SMARCA2: variants seen among roughly 807,000 people sequenced by gnomAD.
The protein encoded by SMARCA2 is SWI/SNF related BAF chromatin remodeling complex subunit ATPase 2.
In SMARCA2, 61 loss-of-function variants were observed where a neutral mutation model predicts 199.8. The ratio of observed to expected loss-of-function variants is 0.31; its 90% CI spans 0.25 to 0.38. The LOEUF (loss-of-function observed/expected upper bound fraction) is 0.38. SMARCA2 is among the 10% of genes least tolerant of loss of function. The pLI, the probability that SMARCA2 is intolerant of heterozygous loss-of-function variation, is 1.00. For missense variants in SMARCA2, 1,344 were observed against 2,012.2 expected (o/e 0.67, Z 6.35); for synonymous variants, 935 against 732.0 (o/e 1.28, Z -4.48).
chr9:2,114,783 G>A (rs1011028864), intron 24 of SMARCA2, among the ~76,000 whole-genome samples: 1 of 152,130 alleles, frequency 6.6e-6, no homozygotes. Context: ...TGTAAGCAAA[G>A]TGAAGAAAGT....
At chr9:2,176,280 C>T (rs958904004) in intron 29 of SMARCA2, among the ~76,000 whole-genome samples, 4 of 150,320 alleles carry the variant, frequency 2.7e-5, no homozygotes, top group Non-Finnish European at 5.9e-5. Context: ...TTGTTCTTTC[C>T]ACAACTGTTA....
Position 2,048,637 on chromosome 9 carries a change from A to C in SMARCA2, c.1046+1153A>C, listed in dbSNP as rs143353006. 6.5e-3 allele frequency among the ~76,000 whole-genome samples: 996 copies of C among 152,326 alleles called. 15 individuals are homozygous for C. The highest frequency in any genetic ancestry group is 0.023 in the African/African-American group (969 of 41,568). On this transcript the variant is annotated intron_variant, in intron 5 of 33. Coordinates refer to ENST00000349721, the MANE Select transcript of SMARCA2 (RefSeq NM_003070.5). ...CAGCCTAGAGAGGTAATCTGAAAGA[A>C]ATCAGAATAACTTGCCATTAGATGT...
chr9:2,062,575 A>G (rs930685072), intron 9 of SMARCA2, among the ~76,000 whole-genome samples: 1 of 152,170 alleles, frequency 6.6e-6, no homozygotes, highest in Non-Finnish European at 1.5e-5. Flanking sequence ...ACTTGTCACA[A>G]TTGTTTTTCA....
rs533670424 is a variant in SMARCA2, at chr9:2,160,430, A to T, written c.3982-1256A>T. 4.8e-5 allele frequency: 25 copies of T among 524,616 alleles called. 1 individual carries two copies. The South Asian group carries it at 7.7e-4, about 16-fold the overall frequency. The allele number at this position is 524,616 out of a possible 1,614,324, so 32.5% of individuals were successfully genotyped here. ...GAAAACATATTTTTTTAAAAATCCC[A>T]CTGGCATTTTTAACATGCCAGGTTG... On this transcript the variant is annotated intron_variant, in intron 27 of 33. Coordinates refer to ENST00000349721, the MANE Select transcript of SMARCA2 (RefSeq NM_003070.5).
At chr9:2,070,185 C>T (rs982769642) in intron 9 of SMARCA2, among the ~76,000 whole-genome samples, 14 of 152,206 alleles carry the variant, frequency 9.2e-5, no homozygotes, top group Non-Finnish European at 1.9e-4. Context: ...CTACAAATCT[C>T]TAGTGTGCTG....
chr9:2,019,816 GT>G (rs908642152), intron 1 of SMARCA2, among the ~76,000 whole-genome samples: 1,974 of 143,454 alleles, frequency 0.014, 38 homozygotes, highest in African/African-American at 0.046. Context: ...GTGTTTTCTT[GT>G]TTTTTTTTTT....
At chr9:2,111,887 C>T (rs1823022094) in intron 24 of SMARCA2, among the ~76,000 whole-genome samples, 1 of 152,162 alleles carries the variant, frequency 6.6e-6, no homozygotes, top group South Asian at 2.1e-4. Flanking sequence ...CACTGGGCCA[C>T]TGCGTGTACT....
At position 2,039,700 on chromosome 9, in the gene SMARCA2, C is replaced by T; in HGVS notation, c.590C>T (p.Pro197Leu). The change falls in exon 4 of 34, where the codon CCC becomes CTC. Residue 197 changes from proline to leucine, a missense_variant. Pro to Leu is a moderately conservative substitution (Grantham distance 98). Coordinates refer to ENST00000349721, the MANE Select transcript of SMARCA2 (RefSeq NM_003070.5). The surrounding 1 kb of genome is among the most constrained non-coding windows in gnomAD (Gnocchi z 4.8). ...LAYKMLARGQ[P>L]LPETLQLAVQ... Reference sequence around the variant, plus strand: ...TATAAAATGCTGGCCCGAGGCCAGCCCCTCCCCGAAACGCTGCAGCTTGCA... The same window carrying T: ...TATAAAATGCTGGCCCGAGGCCAGCTCCTCCCCGAAACGCTGCAGCTTGCA... 6.2e-7 allele frequency: 1 copy of T among 1,613,906 alleles called. No individual in the cohort carries two copies. The highest frequency in any genetic ancestry group is 1.3e-5 in the African/African-American group (1 of 75,024).
In SMARCA2 at chr9:2,170,534, G is replaced by A. The variant is rs972490032; in HGVS notation, c.4253+62G>A. ...CAGGTATCCCTCGTTACGTGAAACA[G>A]ATTGAATCATATAATCGGCCTTTGG... On this transcript the variant is annotated intron_variant, in intron 29 of 33. Transcript: ENST00000349721. The surrounding 1 kb of genome is among the most constrained non-coding windows in gnomAD (Gnocchi z 4.7). 1 of 1,612,366 alleles carries A rather than the reference G, an allele frequency of 6.2e-7. No homozygotes were observed. The highest frequency in any genetic ancestry group is 8.5e-7 in the Non-Finnish European group (1 of 1,179,074).
intron 22 of SMARCA2, among the ~76,000 whole-genome samples, chr9:2,102,127 CAG>C (rs1822543032): frequency 7.1e-6 from 1 of 141,298 alleles, no homozygotes; most frequent in Non-Finnish European, 1.5e-5. Context: ...ACTGCATTAA[CAG>C]AAAGTGTGTG....
intron 9 of SMARCA2, among the ~76,000 whole-genome samples, chr9:2,066,878 G>A (rs1441288112): frequency 6.6e-6 from 1 of 152,212 alleles, no homozygotes; most frequent in East Asian, 1.9e-4. Context: ...TCAAACAGTA[G>A]ACCAATCACA....
chr9:2,068,343 G>A (rs1820934763), intron 9 of SMARCA2, among the ~76,000 whole-genome samples: 1 of 152,026 alleles, frequency 6.6e-6, no homozygotes, highest in African/African-American at 2.4e-5. Context: ...ACCAAAGGGA[G>A]CATTTTATTT....
chr9:2,092,316 C>T (rs1038799180), intron 19 of SMARCA2, among the ~76,000 whole-genome samples: 21 of 152,280 alleles, frequency 1.4e-4, no homozygotes, highest in African/African-American at 3.4e-4. Context: ...TTGTGAAAAA[C>T]ACCAACAAAG....
At position 2,107,435 on chromosome 9, in the gene SMARCA2, A is replaced by T. The variant is rs191401627; in HGVS notation, c.3293-2819A>T. Among the ~76,000 whole-genome samples the T allele has an allele frequency of 2.4e-3, 368 of 152,130 alleles. 4 individuals are homozygous for T. The highest frequency in any genetic ancestry group is 4.9e-3 in the Admixed American group (75 of 15,272). On this transcript the variant is annotated intron_variant, in intron 23 of 33. Transcript: ENST00000349721. The stretch of plus-strand genomic sequence containing the variant: ...TGGGTTCAAGCAATTCTTGTGCCCC[A>T]CCCTCCCAAGTAGCTGGGATTACAG...
chr9:2,028,022 A>T (rs959004290), intron 1 of SMARCA2, among the ~76,000 whole-genome samples: 7 of 152,232 alleles, frequency 4.6e-5, no homozygotes, highest in African/African-American at 1.7e-4. Flanking sequence ...TCCAATGGGG[A>T]TGCCAAGAAG....
chr9:2,163,864 A>T (rs1825809030), intron 28 of SMARCA2, among the ~76,000 whole-genome samples: 1 of 152,110 alleles, frequency 6.6e-6, no homozygotes, highest in Non-Finnish European at 1.5e-5. Flanking sequence ...TGGATGACAT[A>T]CTGCCAACAG....
intron 14 of SMARCA2, among the ~76,000 whole-genome samples, chr9:2,079,267 A>G (rs781217070): frequency 1.3e-5 from 2 of 152,210 alleles, no homozygotes; most frequent in Non-Finnish European, 2.9e-5. Flanking sequence ...GTTTAACTTC[A>G]TATTTCCCAA....
intron 17 of SMARCA2, among the ~76,000 whole-genome samples, chr9:2,084,804 A>G (rs1221586809): frequency 1.3e-5 from 2 of 152,158 alleles, no homozygotes; most frequent in Admixed American, 6.5e-5. Context: ...TGTGACTTAC[A>G]TGTCTCCTAA....
At position 2,039,233 on chromosome 9, in the gene SMARCA2, C is replaced by CT. The variant is rs763964186; in HGVS notation, c.356-220dup. Among the ~76,000 whole-genome samples the CT allele has an allele frequency of 0.022, 3,021 of 137,260 alleles. 44 individuals are homozygous for CT. The highest frequency in any genetic ancestry group is 0.042 in the Middle Eastern group (11 of 262). 90.0% of individuals were successfully genotyped at this position (137,260 alleles called of 152,430 possible). ...AATACATTTAAATTAACTTTACCTG[C>CT]TTTTTTTTTTTTTAACACTTTAAAG... On this transcript the variant is annotated intron_variant, in intron 3 of 33. Transcript: ENST00000349721. The surrounding 1 kb of genome is among the most constrained non-coding windows in gnomAD (Gnocchi z 4.8).
Sources: allele counts gnomAD v4.1 joint callset (sites outside exome capture counted in the v4.1 genomes callset), GRCh38; gene constraint gnomAD v4.1.1; non-coding constraint Gnocchi (gnomAD v3.1); transcripts MANE v1.5; gene names NCBI Gene and HGNC (gene_info 2026-07-23, HGNC 2026-07-21).